Variants in ST18 observed in about 807,000 individuals in gnomAD.
The protein encoded by ST18 is ST18 C2H2C-type zinc finger transcription factor.
In ST18, 50 loss-of-function variants were observed where a neutral mutation model predicts 110.0. The ratio of observed to expected loss-of-function variants is 0.45; its 90% CI spans 0.36 to 0.58. The LOEUF (loss-of-function observed/expected upper bound fraction) is 0.58. Among genes scored for constraint, ST18 ranks in the 20% least tolerant of loss-of-function variants. The pLI is 0.00. For synonymous variants in ST18, 461 were observed against 452.4 expected (o/e 1.02, Z -0.24); for missense variants, 1,306 against 1,280.1 (o/e 1.02, Z -0.31).
chr8:52,211,769 GAAATCCAACCGCATGCAAGGTGTGCAC>G lies in ST18; in HGVS notation c.86+283_86+309del, dbSNP rs1175360931. Among the ~76,000 whole-genome samples the G allele has an allele frequency of 2.6e-5, 4 of 152,270 alleles. No individual in the cohort carries two copies. In the East Asian group the frequency reaches 7.7e-4, roughly 29 times the overall value. ...TCAGCTCTTCCCTGACCATCAGTGTGAAATCCAACCGCATGCAAGGTGTGCACAAAGGGATCACATGCTTGATGAAGA... is the reference window on the plus strand; with the variant it reads ...TCAGCTCTTCCCTGACCATCAGTGTGAAAGGGATCACATGCTTGATGAAGA... On this transcript the variant is annotated intron_variant, in intron 8 of 25. Coordinates refer to ENST00000689386, the MANE Select transcript of ST18 (RefSeq NM_001352837.2).
chr8:52,166,434 C>A (rs2063013633), intron 11 of ST18, among the ~76,000 whole-genome samples: 1 of 152,150 alleles, frequency 6.6e-6, no homozygotes, highest in Non-Finnish European at 1.5e-5. Flanking sequence ...CTAGGGACAG[C>A]CCCTATGCCC....
intron 2 of ST18, among the ~76,000 whole-genome samples, chr8:52,398,059 G>A (rs77571627): frequency 2.0e-5 from 3 of 151,940 alleles, no homozygotes; most frequent in African/African-American, 7.2e-5. Context: ...AACAATATTA[G>A]TTCTTCCTAT....
chr8:52,327,098 C>A (rs1466969363), intron 2 of ST18, among the ~76,000 whole-genome samples: 2 of 152,166 alleles, frequency 1.3e-5, no homozygotes, highest in African/African-American at 2.4e-5. Context: ...CACTCACAAC[C>A]AATAAAGGAT....
At chr8:52,146,027 G>T (rs2057142748) in intron 16 of ST18, among the ~76,000 whole-genome samples, 1 of 152,170 alleles carries the variant, frequency 6.6e-6, no homozygotes, top group Admixed American at 6.5e-5. Flanking sequence ...TTGTGCATAT[G>T]AACTAGATAA....
At chr8:52,352,898 G>A (rs1472922365) in intron 2 of ST18, among the ~76,000 whole-genome samples, 1 of 152,188 alleles carries the variant, frequency 6.6e-6, no homozygotes, top group Non-Finnish European at 1.5e-5. Flanking sequence ...TAAGAGTTAG[G>A]TGACCAATAT....
intron 2 of ST18, among the ~76,000 whole-genome samples, chr8:52,340,983 G>A (rs1446478703): frequency 6.6e-6 from 1 of 152,122 alleles, no homozygotes; most frequent in Non-Finnish European, 1.5e-5. Context: ...CTGGAGTTCT[G>A]GGGCCAAAAG....
intron 17 of ST18, among the ~76,000 whole-genome samples, chr8:52,139,246 G>A (rs2053806296): frequency 1.3e-5 from 2 of 152,116 alleles, no homozygotes; most frequent in Admixed American, 6.5e-5. Flanking sequence ...AGTATTCAGA[G>A]TGAGAGGTGT....
intron 2 of ST18, among the ~76,000 whole-genome samples, chr8:52,241,635 T>C (rs1189744470): frequency 6.6e-6 from 1 of 152,242 alleles, no homozygotes; most frequent in African/African-American, 2.4e-5. Flanking sequence ...ATACTTCTGA[T>C]ACTTTTAGGC....
At chr8:52,135,358 T>C (rs1054096141) in intron 19 of ST18, among the ~76,000 whole-genome samples, 1 of 151,808 alleles carries the variant, frequency 6.6e-6, no homozygotes, top group African/African-American at 2.4e-5. Flanking sequence ...GTCAGGAGTT[T>C]GAGACCAGCC....
intron 2 of ST18, among the ~76,000 whole-genome samples, chr8:52,349,441 T>C (rs954184359): frequency 3.3e-5 from 5 of 152,228 alleles, no homozygotes; most frequent in Non-Finnish European, 7.3e-5. Flanking sequence ...TCTGTTAATG[T>C]AACTTACTCA....
intron 3 of ST18, among the ~76,000 whole-genome samples, chr8:52,223,094 G>A (rs971210016): frequency 1.3e-5 from 2 of 152,140 alleles, no homozygotes; most frequent in Non-Finnish European, 2.9e-5. Context: ...AAGTCATCAC[G>A]AAGGACTACG....
chr8:52,209,770 CAAA>C (rs1172620781), intron 8 of ST18, among the ~76,000 whole-genome samples: 1,034 of 71,804 alleles, frequency 0.014, 16 homozygotes, highest in African/African-American at 0.045. Flanking sequence ...AACTCCATCT[CAAA>C]AAAAAAAAAA....
intron 2 of ST18, among the ~76,000 whole-genome samples, chr8:52,338,273 GT>G (rs1245667668): frequency 6.6e-6 from 1 of 151,998 alleles, no homozygotes; most frequent in Admixed American, 6.6e-5. Flanking sequence ...GGCCAGGCTG[GT>G]CTCAAACTCC....
intron 10 of ST18, among the ~76,000 whole-genome samples, chr8:52,168,739 A>T (rs906464183): frequency 6.6e-6 from 1 of 152,162 alleles, no homozygotes; most frequent in Non-Finnish European, 1.5e-5. Flanking sequence ...TTCGTAATAG[A>T]CAAATTAAGA....
At chr8:52,311,625 C>T (rs1291017355) in intron 2 of ST18, among the ~76,000 whole-genome samples, 4 of 152,182 alleles carry the variant, frequency 2.6e-5, no homozygotes, top group African/African-American at 9.6e-5. Flanking sequence ...AGGAAACTTA[C>T]AATCATGGCA....
chr8:52,285,367 T>C (rs980546336), intron 2 of ST18, among the ~76,000 whole-genome samples: 17 of 152,234 alleles, frequency 1.1e-4, no homozygotes, highest in African/African-American at 3.9e-4. Flanking sequence ...TTGTTCCATA[T>C]ATCCAACATC....
At chr8:52,396,547 A>C (rs2141035395) in intron 2 of ST18, among the ~76,000 whole-genome samples, 1 of 152,318 alleles carries the variant, frequency 6.6e-6, no homozygotes, top group Middle Eastern at 3.4e-3. Flanking sequence ...AAAGAAGTTT[A>C]ATTGACTCAC....
intron 2 of ST18, among the ~76,000 whole-genome samples, chr8:52,296,024 T>C (rs1240473637): frequency 2.0e-5 from 3 of 151,872 alleles, no homozygotes; most frequent in Non-Finnish European, 4.4e-5. Flanking sequence ...CAACATAATT[T>C]CCCCAACTTA....
intron 8 of ST18, among the ~76,000 whole-genome samples, chr8:52,191,528 G>A (rs1364893731): frequency 6.6e-6 from 1 of 152,180 alleles, no homozygotes; most frequent in Non-Finnish European, 1.5e-5. Context: ...AGTGGCGGGA[G>A]TACCTCACCC....
Sources: gnomAD v4.1 joint callset for allele counts (sites outside exome capture counted in the v4.1 genomes callset) on GRCh38, gnomAD v4.1.1 for gene constraint, MANE v1.5 for transcripts, NCBI Gene and HGNC (gene_info 2026-07-23, HGNC 2026-07-21) for gene names.